ATP11B: variants seen among roughly 807,000 people sequenced by gnomAD.
ATP11B encodes ATPase phospholipid transporting 11B (putative).
A neutral mutation model predicts 157.8 loss-of-function variants in ATP11B; 81 were observed. The observed-to-expected ratio is 0.51, with a 90% CI of 0.43 to 0.62. The LOEUF is 0.62. ATP11B is among the 20% of genes least tolerant of loss of function. The pLI is 0.00. For synonymous variants in ATP11B, 451 were observed against 469.4 expected, an observed-to-expected ratio of 0.96 and a Z score of 0.51; for missense variants, 1,165 against 1,402.2, an observed-to-expected ratio of 0.83 and a Z score of 2.70.
chr3:182,837,132 T>G lies in ATP11B; in HGVS notation c.614T>G (p.Val205Gly). Residue 205 changes from valine (V) to glycine (G), a missense_variant, in exon 7 of 30, where the codon GTA becomes GGA. Physicochemically the swap from Val to Gly is moderately radical, Grantham distance 109 (BLOSUM62 -3). Transcript: ENST00000323116. ...ACAGTTGCCAATTTGGACACTCTAG[T>G]AGCTGTAATAGAATGCCAGCAACCA... ...LQTVANLDTLVAVIECQQPEA... is the reference protein window; with the variant it reads ...LQTVANLDTLGAVIECQQPEA... 1 of 1,613,432 alleles carries G rather than the reference T, an allele frequency of 6.2e-7. No homozygotes were observed. Among genetic ancestry groups the G allele is most frequent in the Non-Finnish European group, 8.5e-7 (1 of 1,179,536 alleles).
At chr3:182,812,307 T>G (rs1363676551) in intron 1 of ATP11B, among the ~76,000 whole-genome samples, 4 of 152,200 alleles carry the variant, frequency 2.6e-5, no homozygotes, top group African/African-American at 9.6e-5. Flanking sequence ...TGTTTATGAT[T>G]GTTGGGGGAG....
chr3:182,874,141 A>AT, intron 19 of ATP11B, 126 bp downstream of exon 19: 1 of 723,854 alleles, frequency 1.4e-6, no homozygotes, highest in Non-Finnish European at 2.2e-6. Context: ...TAGTTTTTAC[A>AT]TTTTTTGATA....
At chr3:182,879,202 A>G (rs1023515174) in intron 19 of ATP11B, among the ~76,000 whole-genome samples, 3 of 152,156 alleles carry the variant, frequency 2.0e-5, no homozygotes, top group Non-Finnish European at 2.9e-5. Flanking sequence ...CCAGGAGGTC[A>G]AGGCTGCAGT....
chr3:182,816,729 A>AAGCT (rs1247787253), intron 1 of ATP11B, among the ~76,000 whole-genome samples: 1 of 152,224 alleles, frequency 6.6e-6, no homozygotes, highest in Non-Finnish European at 1.5e-5. Context: ...TCATCATGCA[A>AAGCT]AGCTCATGAA....
intron 28 of ATP11B, among the ~76,000 whole-genome samples, chr3:182,912,007 G>A (rs1724829464): frequency 6.6e-6 from 1 of 152,136 alleles, no homozygotes; most frequent in African/African-American, 2.4e-5. Flanking sequence ...CAGAGCATTG[G>A]GAAGCAGAGC....
At chr3:182,843,361 A>C (rs958810800) in intron 8 of ATP11B, among the ~76,000 whole-genome samples, 3 of 152,216 alleles carry the variant, frequency 2.0e-5, no homozygotes, top group African/African-American at 7.2e-5. Flanking sequence ...ATTAAAAGGA[A>C]ACATAGCTGC....
At chr3:182,884,693 C>T (rs1722681541) in intron 21 of ATP11B, 60 bp from the exon 22 acceptor site, 2 of 1,479,552 alleles carry the variant, frequency 1.4e-6, no homozygotes, top group Admixed American at 4.7e-5. Flanking sequence ...AAGATATTTG[C>T]AGATTTATCA....
rs1715379838 is a variant in ATP11B, at chr3:182,793,576, G to A, written c.-184G>A. ...CGGGGGCGGCGCCGGGGCCGCGCCT[G>A]TAGGACTCGGGGCCGACGCCGCGGG... On this transcript the variant is annotated 5_prime_UTR_variant, in exon 1 of 30. Coordinates refer to ENST00000323116, the MANE Select transcript of ATP11B (RefSeq NM_014616.3). The A allele has an allele frequency of 2.7e-6, 1 of 374,884 alleles. No individual in the cohort carries two copies. The highest frequency in any genetic ancestry group is 4.7e-6 in the Non-Finnish European group (1 of 212,210). The allele number at this position is 374,884 out of a possible 1,614,324, so 23.2% of individuals were successfully genotyped here.
chr3:182,812,812 C>T (rs1002530098), intron 1 of ATP11B, among the ~76,000 whole-genome samples: 3 of 152,150 alleles, frequency 2.0e-5, no homozygotes, highest in Non-Finnish European at 4.4e-5. Flanking sequence ...ATCATTACCA[C>T]CATCCATCTC....
intron 1 of ATP11B, among the ~76,000 whole-genome samples, chr3:182,802,659 C>T (rs960097444): frequency 6.6e-6 from 1 of 152,112 alleles, no homozygotes; most frequent in Non-Finnish European, 1.5e-5. Context: ...GAAGCTTTTT[C>T]CAGCCATTCA....
At chr3:182,893,305 A>G (rs1560119210) in intron 25 of ATP11B, among the ~76,000 whole-genome samples, 1 of 152,018 alleles carries the variant, frequency 6.6e-6, no homozygotes, top group South Asian at 2.1e-4. Context: ...AGCAGTGTAC[A>G]TTGTACCCAA....
At chr3:182,866,500 A>G (rs1261939967) in intron 14 of ATP11B, 57 bp downstream of exon 14, 16 of 1,338,010 alleles carry the variant, frequency 1.2e-5, no homozygotes, top group African/African-American at 3.0e-5. Context: ...AAATGTAACA[A>G]TATTAGAATC....
Position 182,890,173 on chromosome 3 carries a change from G to A in ATP11B, c.2982+625G>A, listed in dbSNP as rs145433883. Among the ~76,000 whole-genome samples the A allele has an allele frequency of 6.1e-4, 93 of 152,302 alleles. 2 individuals carry two copies. In the East Asian group the frequency reaches 0.017, roughly 27 times the overall value. On this transcript the variant is annotated intron_variant, in intron 25 of 29. Coordinates refer to ENST00000323116, the MANE Select transcript of ATP11B (RefSeq NM_014616.3). Reference sequence around the variant, plus strand: ...ACTGTGTTCTGATTGGAGTGCTCATGTTGAGAGACTCTTGGCAGAGCTAGA... The same window carrying A: ...ACTGTGTTCTGATTGGAGTGCTCATATTGAGAGACTCTTGGCAGAGCTAGA...
At chr3:182,874,430 G>A (rs1365430412) in intron 19 of ATP11B, among the ~76,000 whole-genome samples, 1 of 152,080 alleles carries the variant, frequency 6.6e-6, no homozygotes, top group Admixed American at 6.6e-5. Flanking sequence ...ACCATGTTGC[G>A]ACATTTTACT....
intron 1 of ATP11B, among the ~76,000 whole-genome samples, chr3:182,818,353 T>A (rs150395548): frequency 1.4e-3 from 218 of 152,328 alleles, no homozygotes; most frequent in African/African-American, 4.6e-3. Context: ...TTGTGAAAAA[T>A]TTTAAAGACA....
chr3:182,912,663 T>C (rs540943154), intron 28 of ATP11B, among the ~76,000 whole-genome samples: 32 of 152,350 alleles, frequency 2.1e-4, no homozygotes, highest in African/African-American at 7.7e-4. Context: ...CTTCTGAGCA[T>C]GGATCTTGCA....
intron 12 of ATP11B, among the ~76,000 whole-genome samples, chr3:182,864,372 G>A (rs899787777): frequency 1.3e-5 from 2 of 152,104 alleles, no homozygotes; most frequent in Admixed American, 6.5e-5. Flanking sequence ...CATAAGGTAC[G>A]ATGTTAACTG....
intron 7 of ATP11B, among the ~76,000 whole-genome samples, chr3:182,839,223 C>A (rs1214787893): frequency 2.0e-5 from 3 of 152,114 alleles, no homozygotes; most frequent in Non-Finnish European, 2.9e-5. Context: ...TAAGTGGGAG[C>A]TAACTGGTGA....
chr3:182,828,962 G>C (rs1046431945), intron 3 of ATP11B, among the ~76,000 whole-genome samples: 3 of 152,016 alleles, frequency 2.0e-5, no homozygotes, highest in Non-Finnish European at 4.4e-5. Context: ...ATGAAAAATT[G>C]AAACTTGTCA....
Sources: allele counts gnomAD v4.1 joint callset (sites outside exome capture counted in the v4.1 genomes callset), GRCh38; gene constraint gnomAD v4.1.1; transcripts MANE v1.5; gene names NCBI Gene and HGNC (gene_info 2026-07-23, HGNC 2026-07-21).